GRHL2: variants seen among roughly 807,000 people sequenced by gnomAD.
GRHL2 encodes grainyhead-like protein 2 homolog.
In GRHL2, 21 loss-of-function variants were observed where a neutral mutation model predicts 83.8. The ratio of observed to expected loss-of-function variants is 0.25; its 90% CI spans 0.18 to 0.36. The LOEUF (loss-of-function observed/expected upper bound fraction) is 0.36, where lower values mean the gene tolerates loss of function less well. GRHL2 is among the 10% of genes least tolerant of loss of function. The pLI, the probability that GRHL2 is intolerant of heterozygous loss-of-function variation, is 1.00. For synonymous variants in GRHL2, 280 were observed against 278.9 expected, an observed-to-expected ratio of 1.00 and a Z score of -0.04; for missense variants, 623 against 781.8, an observed-to-expected ratio of 0.80 and a Z score of 2.42.
chr8:101,496,880 A>G (rs1209212837), intron 1 of GRHL2, among the ~76,000 whole-genome samples: 1 of 152,168 alleles, frequency 6.6e-6, no homozygotes, highest in Admixed American at 6.5e-5. Context: ...CTAGGACCAG[A>G]AAGGAGCTCT....
At chr8:101,513,854 C>T (rs28433156) in intron 1 of GRHL2, among the ~76,000 whole-genome samples, 7,917 of 152,098 alleles carry the variant, frequency 0.052, 269 homozygotes, top group African/African-American at 0.089. Context: ...GGAAACTTTC[C>T]GTGCTTTATT....
intron 1 of GRHL2, among the ~76,000 whole-genome samples, chr8:101,518,229 C>A (rs1810610951): frequency 6.6e-6 from 1 of 152,100 alleles, no homozygotes; most frequent in Non-Finnish European, 1.5e-5. Context: ...GTCAACGTGG[C>A]AAAAACCCGT....
chr8:101,612,836 G>A (rs147759829), intron 8 of GRHL2, among the ~76,000 whole-genome samples: 3,078 of 150,998 alleles, frequency 0.02, 88 homozygotes, highest in Non-Finnish European at 0.033. Flanking sequence ...CTTGAGGAAG[G>A]CAAGTACCCT....
At chr8:101,504,230 G>A (rs770650614) in intron 1 of GRHL2, among the ~76,000 whole-genome samples, 31 of 152,110 alleles carry the variant, frequency 2.0e-4, no homozygotes, top group Admixed American at 4.6e-4. Context: ...GCTGCCTGTC[G>A]GTTCTGTGCT....
chr8:101,550,821 T>A lies in GRHL2; in HGVS notation c.217-1894T>A, dbSNP rs541281437. 2.6e-5 allele frequency among the ~76,000 whole-genome samples: 4 copies of A among 152,346 alleles called. No homozygotes were observed. In the East Asian group the frequency reaches 7.7e-4, roughly 29 times the overall value. The stretch of plus-strand genomic sequence containing the variant: ...TTTACCTTCTGTCTGTGAATTTGAG[T>A]CTTCTGGAGTAACTCATATAAGTGG... On this transcript the variant is annotated intron_variant, in intron 2 of 15. Transcript: ENST00000646743.
intron 1 of GRHL2, among the ~76,000 whole-genome samples, chr8:101,535,239 A>G (rs1811020763): frequency 6.6e-6 from 1 of 152,236 alleles, no homozygotes; most frequent in African/African-American, 2.4e-5. Context: ...TTTAGATGTA[A>G]GAGCCTAAGG....
the GRHL2 span, among the ~76,000 whole-genome samples, chr8:101,678,292 T>C: frequency 4.6e-5 from 7 of 151,886 alleles, no homozygotes; most frequent in Admixed American, 1.3e-4. Context: ...GGTCAGGGAG[T>C]TCCCTTTCCT....
intron 1 of GRHL2, among the ~76,000 whole-genome samples, chr8:101,525,744 G>A (rs1038209270): frequency 4.6e-5 from 7 of 152,088 alleles, no homozygotes; most frequent in Non-Finnish European, 1.0e-4. Context: ...CGAGGTGGGT[G>A]GATCACTTGA....
chr8:101,611,332 C>T (rs529283973), intron 8 of GRHL2, among the ~76,000 whole-genome samples: 23 of 150,956 alleles, frequency 1.5e-4, no homozygotes, highest in Non-Finnish European at 3.1e-4. Flanking sequence ...CTTCCTCTCA[C>T]AAAACTTCAC....
At chr8:101,633,429 C>T (rs1813226604) in intron 11 of GRHL2, among the ~76,000 whole-genome samples, 1 of 152,106 alleles carries the variant, frequency 6.6e-6, no homozygotes, top group African/African-American at 2.4e-5. Context: ...ATGGAATTGA[C>T]CTTGGTGTAG....
At chr8:101,579,496 A>G (rs558841105) in intron 7 of GRHL2, among the ~76,000 whole-genome samples, 79 of 152,302 alleles carry the variant, frequency 5.2e-4, no homozygotes, top group South Asian at 1.9e-3. Flanking sequence ...ACCTTTACTA[A>G]GTAGCTTCAT....
chr8:101,582,769 T>A (rs1466780454), intron 7 of GRHL2, among the ~76,000 whole-genome samples: 1 of 152,232 alleles, frequency 6.6e-6, no homozygotes, highest in Non-Finnish European at 1.5e-5. Flanking sequence ...GCTCAGAGTT[T>A]CTTGCTCTTT....
At chr8:101,527,410 A>T (rs1191366591) in intron 1 of GRHL2, among the ~76,000 whole-genome samples, 1 of 152,190 alleles carries the variant, frequency 6.6e-6, no homozygotes, top group Non-Finnish European at 1.5e-5. Flanking sequence ...TTTGTTGCCC[A>T]GGCTGGTCTC....
chr8:101,622,301 A>G (rs991807495), intron 9 of GRHL2, among the ~76,000 whole-genome samples: 4 of 152,204 alleles, frequency 2.6e-5, no homozygotes, highest in African/African-American at 9.6e-5. Context: ...TAAAGACTGC[A>G]GGCAGAAACA....
intron 6 of GRHL2, among the ~76,000 whole-genome samples, chr8:101,574,575 C>T (rs1042659790): frequency 6.6e-6 from 1 of 152,202 alleles, no homozygotes; most frequent in African/African-American, 2.4e-5. Context: ...AGTCACAGCT[C>T]CCTCCTCCTA....
chr8:101,578,666 A>G (rs545556815), intron 7 of GRHL2, among the ~76,000 whole-genome samples: 11 of 152,358 alleles, frequency 7.2e-5, no homozygotes, highest in Admixed American at 3.3e-4. Flanking sequence ...AAGATGCTTC[A>G]GTCCAAATGA....
In GRHL2 at chr8:101,543,709, C is replaced by T. The variant is rs893824004; in HGVS notation, c.216+273C>T. On this transcript the variant is annotated intron_variant, in intron 2 of 15. Coordinates refer to ENST00000646743, the MANE Select transcript of GRHL2 (RefSeq NM_024915.4). The stretch of plus-strand genomic sequence containing the variant: ...AAATATTATTTGCATATTATTCTTA[C>T]CATATTACAAATACTTCCTTGTTGC... The T allele has an allele frequency of 1.1e-5, 5 of 449,816 alleles. No individual in the cohort carries two copies. In the South Asian group the frequency reaches 1.1e-4, roughly 10 times the overall value. The allele number at this position is 449,816 out of a possible 1,614,324, so 27.9% of individuals were successfully genotyped here.
intron 7 of GRHL2, among the ~76,000 whole-genome samples, chr8:101,595,417 AT>A (rs1229862374): frequency 6.6e-6 from 1 of 152,170 alleles, no homozygotes; most frequent in Non-Finnish European, 1.5e-5. Context: ...GTTTGTCTTT[AT>A]TTCTAGATAT....
At chr8:101,557,224 CTTT>C (rs34785282) in intron 3 of GRHL2, among the ~76,000 whole-genome samples, 5 of 122,422 alleles carry the variant, frequency 4.1e-5, no homozygotes, top group Admixed American at 1.8e-4. Flanking sequence ...ATTAACAATA[CTTT>C]TTTTTTTTTT....
Sources: allele counts gnomAD v4.1 joint callset (sites outside exome capture counted in the v4.1 genomes callset), GRCh38; gene constraint gnomAD v4.1.1; transcripts MANE v1.5; gene names NCBI Gene and HGNC (gene_info 2026-07-23, HGNC 2026-07-21).